LYPD6B: variants seen among roughly 807,000 people sequenced by gnomAD.
The protein encoded by LYPD6B is ly6/PLAUR domain-containing protein 6B.
In LYPD6B, 17 loss-of-function variants were observed where a neutral mutation model predicts 22.8. The ratio of observed to expected loss-of-function variants is 0.75; its 90% confidence interval spans 0.51 to 1.12. LYPD6B has a LOEUF of 1.12. LYPD6B is among the 50% of genes most tolerant of loss of function. The pLI, the probability that LYPD6B is intolerant of heterozygous loss-of-function variation, is 0.00. For missense variants in LYPD6B, 221 were observed against 258.3 expected, an observed-to-expected ratio of 0.86 and a Z score of 0.99; for synonymous variants, 106 against 91.6, an observed-to-expected ratio of 1.16 and a Z score of -0.90.
intron 1 of LYPD6B, among the ~76,000 whole-genome samples, chr2:149,060,991 G>A (rs1344316832): frequency 6.6e-6 from 1 of 152,068 alleles, no homozygotes; most frequent in Non-Finnish European, 1.5e-5. Flanking sequence ...TTAACCTTTG[G>A]GCCTAGCAAA....
intron 1 of LYPD6B, among the ~76,000 whole-genome samples, chr2:149,066,107 C>CCT (rs1378169733): frequency 6.6e-6 from 1 of 151,992 alleles, no homozygotes; most frequent in East Asian, 1.9e-4. Context: ...TTTGGCTACC[C>CCT]ATTTGTGTCT....
intron 1 of LYPD6B, among the ~76,000 whole-genome samples, chr2:149,129,520 T>C (rs1272962721): frequency 6.6e-6 from 1 of 152,234 alleles, no homozygotes; most frequent in Non-Finnish European, 1.5e-5. Flanking sequence ...GAAGTATAAA[T>C]GACTAATAAG....
chr2:149,145,743 A>T (rs1003687282), intron 2 of LYPD6B, among the ~76,000 whole-genome samples: 9 of 152,180 alleles, frequency 5.9e-5, no homozygotes, highest in South Asian at 2.1e-4. Flanking sequence ...ACTTCTCAGG[A>T]AGCTCTGTGG....
intron 4 of LYPD6B, among the ~76,000 whole-genome samples, chr2:149,207,615 AG>A (rs1693583234): frequency 6.6e-6 from 1 of 152,106 alleles, no homozygotes; most frequent in Non-Finnish European, 1.5e-5. Flanking sequence ...CCTAATTATA[AG>A]GGCTTAAGAA....
chr2:149,205,466 C>T, intron 4 of LYPD6B, 62 bp downstream of exon 4: 1 of 1,518,464 alleles, frequency 6.6e-7, no homozygotes, highest in South Asian at 1.2e-5. Context: ...AATATGAAGC[C>T]CCCTTTTCCA....
chr2:149,040,937 C>T (rs1201483921), intron 1 of LYPD6B, among the ~76,000 whole-genome samples: 1 of 152,150 alleles, frequency 6.6e-6, no homozygotes, highest in Non-Finnish European at 1.5e-5. Context: ...AAAATGCTTG[C>T]TTTTGAGAAG....
At chr2:149,212,102 G>A (rs2106180536) in intron 5 of LYPD6B, among the ~76,000 whole-genome samples, 1 of 151,806 alleles carries the variant, frequency 6.6e-6, no homozygotes, top group South Asian at 2.1e-4. Context: ...GTGCAGCCGG[G>A]CGCGGTGGCT....
chr2:149,064,918 C>T (rs1412760525), intron 1 of LYPD6B, among the ~76,000 whole-genome samples: 2 of 152,108 alleles, frequency 1.3e-5, no homozygotes, highest in African/African-American at 4.8e-5. Context: ...GGTTGGCTGG[C>T]CTGGTACAGG....
chr2:149,129,049 G>C (rs1398674029), intron 1 of LYPD6B, among the ~76,000 whole-genome samples: 1 of 152,128 alleles, frequency 6.6e-6, no homozygotes, highest in African/African-American at 2.4e-5. Context: ...ATACAATGTT[G>C]AATGGGTGAA....
chr2:149,093,621 G>A (rs59725864), intron 1 of LYPD6B, among the ~76,000 whole-genome samples: 1 of 151,922 alleles, frequency 6.6e-6, no homozygotes, highest in Middle Eastern at 3.2e-3. Context: ...GACAGAACTG[G>A]GTCTCTTTAT....
At chr2:149,084,081 A>G (rs1308747077) in intron 1 of LYPD6B, among the ~76,000 whole-genome samples, 1 of 151,898 alleles carries the variant, frequency 6.6e-6, no homozygotes, top group African/African-American at 2.4e-5. Context: ...CCTGGGCGAC[A>G]GAGCGAGACT....
intron 1 of LYPD6B, among the ~76,000 whole-genome samples, chr2:149,110,387 G>C (rs908265324): frequency 6.6e-6 from 1 of 152,048 alleles, no homozygotes; most frequent in African/African-American, 2.4e-5. Context: ...TTGGATGCCA[G>C]ATATTGTGAA....
intron 1 of LYPD6B, among the ~76,000 whole-genome samples, chr2:149,123,025 G>A: frequency 6.6e-6 from 1 of 152,164 alleles, no homozygotes. Flanking sequence ...TGATCCCAGA[G>A]CACTGTTTAC....
chr2:149,060,633 T>A lies in LYPD6B; in HGVS notation c.-67+21832T>A, dbSNP rs77178856. Among the ~76,000 whole-genome samples the A allele has an allele frequency of 3.5e-3, 532 of 152,236 alleles. 4 individuals are homozygous for A. The highest frequency in any genetic ancestry group is 0.012 in the African/African-American group (508 of 41,532). ...AGTTTGGGACCCAAGCTGAGGGCAGTGGCATCCCAGGGCAGCTTCCCAAGG... is the reference window on the plus strand; with the variant it reads ...AGTTTGGGACCCAAGCTGAGGGCAGAGGCATCCCAGGGCAGCTTCCCAAGG... On this transcript the variant is annotated intron_variant, in intron 1 of 6. Transcript: ENST00000409642.
At chr2:149,098,765 C>CTTTTTT (rs10658424) in intron 1 of LYPD6B, among the ~76,000 whole-genome samples, 2 of 140,114 alleles carry the variant, frequency 1.4e-5, no homozygotes, top group East Asian at 2.0e-4. Flanking sequence ...TGTGCTTTTT[C>CTTTTTT]TTTTTTTTTT....
At chr2:149,070,552 T>C (rs4667324) in intron 1 of LYPD6B, among the ~76,000 whole-genome samples, 27,441 of 152,156 alleles carry the variant, frequency 0.18, 2,856 homozygotes, top group East Asian at 0.34. Context: ...TGGATCATCA[T>C]AAGTGCTCAA....
intron 1 of LYPD6B, among the ~76,000 whole-genome samples, chr2:149,054,337 C>G (rs1175879418): frequency 6.6e-6 from 1 of 152,064 alleles, no homozygotes; most frequent in East Asian, 1.9e-4. Context: ...TTGCATTTTC[C>G]TAATAACTAA....
intron 1 of LYPD6B, among the ~76,000 whole-genome samples, chr2:149,065,529 T>A (rs1418777086): frequency 6.6e-6 from 1 of 152,222 alleles, no homozygotes; most frequent in Non-Finnish European, 1.5e-5. Context: ...AAGCGTGGCA[T>A]GCTTCCTGGG....
At chr2:149,046,478 T>C (rs906532635) in intron 1 of LYPD6B, among the ~76,000 whole-genome samples, 3 of 152,026 alleles carry the variant, frequency 2.0e-5, no homozygotes, top group African/African-American at 7.2e-5. Flanking sequence ...TGTTCTTTTT[T>C]TTTCTTGTTT....
Sources: allele counts gnomAD v4.1 joint callset (sites outside exome capture counted in the v4.1 genomes callset), GRCh38; gene constraint gnomAD v4.1.1; transcripts MANE v1.5; gene names NCBI Gene and HGNC (gene_info 2026-07-23, HGNC 2026-07-21).